DLG1: variants seen among roughly 807,000 people sequenced by gnomAD.
DLG1 encodes discs large MAGUK scaffold protein 1.
Under a neutral mutation model 123.4 loss-of-function variants are expected in DLG1, and 42 were observed. The ratio of observed to expected loss-of-function variants is 0.34; its 90% CI spans 0.27 to 0.44. The LOEUF (loss-of-function observed/expected upper bound fraction) is 0.44, where lower values mean the gene tolerates loss of function less well. Among genes scored for constraint, DLG1 ranks in the 20% least tolerant of loss-of-function variants. The pLI is 1.00. For missense variants in DLG1, 942 were observed against 1,082.6 expected (o/e 0.87, Z 1.82); for synonymous variants, 317 against 356.2 (o/e 0.89, Z 1.24).
intron 6 of DLG1, among the ~76,000 whole-genome samples, chr3:197,144,743 C>G (rs1455856452): frequency 1.3e-5 from 2 of 152,164 alleles, no homozygotes; most frequent in Non-Finnish European, 2.9e-5. Context: ...CTCCTAGATT[C>G]AAACCCTATT....
At chr3:197,056,356 G>A (rs191452988) in intron 23 of DLG1, among the ~76,000 whole-genome samples, 1 of 152,282 alleles carries the variant, frequency 6.6e-6, no homozygotes, top group East Asian at 1.9e-4. Flanking sequence ...AAAATTGTTT[G>A]ATTCAATTTG....
At chr3:197,292,554 A>G (rs2151259175) in intron 3 of DLG1, among the ~76,000 whole-genome samples, 1 of 152,254 alleles carries the variant, frequency 6.6e-6, no homozygotes, top group East Asian at 1.9e-4. Context: ...TACATTTCAC[A>G]CTCCTGAACT....
intron 23 of DLG1, among the ~76,000 whole-genome samples, chr3:197,054,803 G>A (rs1038881057): frequency 5.3e-5 from 8 of 151,440 alleles, no homozygotes; most frequent in Non-Finnish European, 8.9e-5. Context: ...TGCCACCATG[G>A]CCAGCTAATT....
chr3:197,242,539 C>T (rs1749461272), intron 4 of DLG1, among the ~76,000 whole-genome samples: 1 of 151,076 alleles, frequency 6.6e-6, no homozygotes, highest in Non-Finnish European at 1.5e-5. Context: ...TTATCATAGG[C>T]CATGAGTCTG....
intron 4 of DLG1, among the ~76,000 whole-genome samples, chr3:197,228,786 A>C (rs1328015006): frequency 6.6e-6 from 1 of 152,184 alleles, no homozygotes; most frequent in Non-Finnish European, 1.5e-5. Flanking sequence ...CTATCAAACT[A>C]CCTAAGAAAC....
intron 4 of DLG1, among the ~76,000 whole-genome samples, chr3:197,267,281 G>GTA (rs1321479155): frequency 1.3e-5 from 2 of 152,150 alleles, no homozygotes; most frequent in African/African-American, 4.8e-5. Context: ...CAAAAGCAGA[G>GTA]TAGAGAGTAG....
chr3:197,137,074 G>A (rs991991785), intron 9 of DLG1, among the ~76,000 whole-genome samples: 1 of 152,182 alleles, frequency 6.6e-6, no homozygotes, highest in Non-Finnish European at 1.5e-5. Context: ...AGAACCAACA[G>A]GCTTTAAAAA....
chr3:197,279,331 AT>A (rs1243869577), intron 4 of DLG1, among the ~76,000 whole-genome samples: 1 of 152,060 alleles, frequency 6.6e-6, no homozygotes, highest in Non-Finnish European at 1.5e-5. Context: ...ATTTGTCAGG[AT>A]TTTCTGTCAT....
intron 4 of DLG1, among the ~76,000 whole-genome samples, chr3:197,239,042 A>G (rs886289898): frequency 2.0e-5 from 3 of 152,132 alleles, no homozygotes; most frequent in Non-Finnish European, 4.4e-5. Flanking sequence ...AATGAAACCA[A>G]AAGTTGTTTC....
chr3:197,125,371 C>G (rs1051129978), intron 11 of DLG1, among the ~76,000 whole-genome samples: 4 of 152,108 alleles, frequency 2.6e-5, no homozygotes, highest in African/African-American at 9.7e-5. Flanking sequence ...AATGAAATAG[C>G]AGAGTTTGCC....
intron 4 of DLG1, among the ~76,000 whole-genome samples, chr3:197,237,772 C>T (rs1199921695): frequency 6.6e-6 from 1 of 152,194 alleles, no homozygotes; most frequent in African/African-American, 2.4e-5. Context: ...CCAGCAGTAA[C>T]AAGGTGCACA....
At chr3:197,073,178 TAA>T (rs1192649819) in intron 18 of DLG1, among the ~76,000 whole-genome samples, 1 of 152,158 alleles carries the variant, frequency 6.6e-6, no homozygotes. Flanking sequence ...CAAATGAAAA[TAA>T]GTCTGTTTTT....
intron 17 of DLG1, 35 bp downstream of exon 17, chr3:197,081,016 G>A: frequency 6.4e-7 from 1 of 1,573,954 alleles, no homozygotes; most frequent in Non-Finnish European, 8.7e-7. Context: ...AGCTCAAACA[G>A]GAATTACAAA....
intron 15 of DLG1, among the ~76,000 whole-genome samples, chr3:197,090,137 A>C (rs1381017224): frequency 6.6e-6 from 1 of 152,170 alleles, no homozygotes; most frequent in East Asian, 1.9e-4. Flanking sequence ...CAGGTCCCCC[A>C]ACAGAATCAG....
Position 197,130,692 on chromosome 3 carries a change from C to T in DLG1, c.1021-21G>A, listed in dbSNP as rs974235399. 1.9e-6 allele frequency: 3 copies of T among 1,559,238 alleles called. No individual in the cohort carries two copies. The African/African-American group carries it at 4.1e-5, about 21-fold the overall frequency. The stretch of plus-strand genomic sequence containing the variant: ...TTCACCTAAAAAAAGTCCCAAAAGA[C>T]ATTTATGACATATTCACTTGTTCTC... On this transcript the variant is annotated intron_variant, in intron 10 of 24. Transcript: ENST00000667157.
At chr3:197,220,204 A>G (rs1736243267) in intron 4 of DLG1, among the ~76,000 whole-genome samples, 1 of 152,202 alleles carries the variant, frequency 6.6e-6, no homozygotes. Flanking sequence ...AAATTAATCA[A>G]TAATTTTCTT....
At chr3:197,277,871 C>T (rs573629932) in intron 4 of DLG1, among the ~76,000 whole-genome samples, 191 of 152,212 alleles carry the variant, frequency 1.3e-3, no homozygotes, top group African/African-American at 4.5e-3. Flanking sequence ...TGGTACCTTA[C>T]ACCTGTAATC....
At chr3:197,276,444 C>G (rs1379747069) in intron 4 of DLG1, among the ~76,000 whole-genome samples, 1 of 152,216 alleles carries the variant, frequency 6.6e-6, no homozygotes, top group African/African-American at 2.4e-5. Context: ...TATTTAATCT[C>G]TGACAATCAA....
intron 14 of DLG1, among the ~76,000 whole-genome samples, chr3:197,097,957 T>C (rs1045839182): frequency 2.0e-4 from 31 of 152,178 alleles, no homozygotes; most frequent in Non-Finnish European, 3.8e-4. Flanking sequence ...TAGGAAGTGA[T>C]GACTTTTCAA....
Sources: allele counts gnomAD v4.1 joint callset (sites outside exome capture counted in the v4.1 genomes callset), GRCh38; gene constraint gnomAD v4.1.1; transcripts MANE v1.5; gene names NCBI Gene and HGNC (gene_info 2026-07-23, HGNC 2026-07-21).